Variants in RPL39L observed in about 807,000 individuals in gnomAD.
RPL39L encodes the protein ribosomal protein L39 like.
For missense variants in RPL39L, 48 were observed against 58.9 expected (o/e 0.81, Z 0.61); for synonymous variants, 16 against 20.1 (o/e 0.80, Z 0.55).
Position 187,127,356 on chromosome 3 carries a change from C to G in RPL39L, c.-29+643G>C, listed in dbSNP as rs554241135. Among the ~76,000 whole-genome samples the G allele has an allele frequency of 7.2e-5, 11 of 152,154 alleles. No individual in the cohort carries two copies. In the East Asian group the frequency reaches 1.4e-3, roughly 19 times the overall value. ...AAGAATTTGCATTTCTAACAAATTC[C>G]CAGATGATACTGATGCCACACCACA... is the stretch of plus-strand genomic sequence containing the variant. On this transcript the variant is annotated intron_variant, in intron 2 of 2. Coordinates refer to ENST00000296277, the MANE Select transcript of RPL39L (RefSeq NM_052969.3).
At chr3:187,135,269 C>T (rs1019734017) in intron 1 of RPL39L, among the ~76,000 whole-genome samples, 9 of 152,096 alleles carry the variant, frequency 5.9e-5, no homozygotes, top group South Asian at 2.1e-4. Context: ...CATGATGGGA[C>T]GGTAATATCG....
chr3:187,128,764 A>T (rs996600020), intron 1 of RPL39L, among the ~76,000 whole-genome samples: 2 of 152,200 alleles, frequency 1.3e-5, no homozygotes, highest in Non-Finnish European at 2.9e-5. Flanking sequence ...TGAACAACCA[A>T]ATAGTCCCCA....
At chr3:187,127,036 C>A (rs6444200) in intron 2 of RPL39L, among the ~76,000 whole-genome samples, 53,541 of 152,022 alleles carry the variant, frequency 0.35, 12,407 homozygotes, top group African/African-American at 0.66. Context: ...TCTTTGGGAC[C>A]AAGTATCTTA....
At chr3:187,138,203 G>A (rs1720618234) in intron 1 of RPL39L, among the ~76,000 whole-genome samples, 1 of 152,148 alleles carries the variant, frequency 6.6e-6, no homozygotes, top group African/African-American at 2.4e-5. Context: ...TTAAGGCCAG[G>A]CCCAGTGCAA....
At chr3:187,127,738 T>C (rs1720422901) in intron 2 of RPL39L, among the ~76,000 whole-genome samples, 1 of 152,248 alleles carries the variant, frequency 6.6e-6, no homozygotes, top group Non-Finnish European at 1.5e-5. Flanking sequence ...ACATAACTCC[T>C]TTCACTTTAG....
chr3:187,131,696 T>C (rs1275813624), intron 1 of RPL39L, among the ~76,000 whole-genome samples: 1 of 152,216 alleles, frequency 6.6e-6, no homozygotes, highest in Non-Finnish European at 1.5e-5. Flanking sequence ...GATAATAATA[T>C]CTAACATCAT....
In RPL39L at chr3:187,128,509, ATTTC is replaced by A. The variant is rs533225331; in HGVS notation, c.-92-451_-92-448del. ...CCATTATAACAGTTTTTTAATATAC[ATTTC>A]TTTCTCTCTTTTTTGAGACAGGGTC... On this transcript the variant is annotated intron_variant, in intron 1 of 2. Coordinates refer to ENST00000296277, the MANE Select transcript of RPL39L (RefSeq NM_052969.3). Among the ~76,000 whole-genome samples the A allele has an allele frequency of 7.7e-3, 1,164 of 152,148 alleles. 17 individuals carry two copies. The highest frequency in any genetic ancestry group is 0.026 in the African/African-American group (1,075 of 41,508).
chr3:187,137,198 CAAAAAAAA>C (rs33967617), intron 1 of RPL39L, among the ~76,000 whole-genome samples: 14 of 37,638 alleles, frequency 3.7e-4, no homozygotes, highest in African/African-American at 8.0e-4. Context: ...CACTCTTCCT[CAAAAAAAA>C]AAAAAAAAAA....
chr3:187,128,130 TG>T (rs1271553586), intron 1 of RPL39L, 68 bp from the exon 2 acceptor site: 1 of 152,206 alleles, frequency 6.6e-6, no homozygotes, highest in Non-Finnish European at 1.5e-5. Context: ...AAACCTTACC[TG>T]TGGGTGAAAA....
chr3:187,138,942 C>T (rs938469225), intron 1 of RPL39L, among the ~76,000 whole-genome samples: 2 of 152,168 alleles, frequency 1.3e-5, no homozygotes, highest in Non-Finnish European at 2.9e-5. Context: ...GCCTGTAACC[C>T]CAGCTACTCA....
chr3:187,134,279 T>G (rs995254067), intron 1 of RPL39L, among the ~76,000 whole-genome samples: 1 of 152,010 alleles, frequency 6.6e-6, no homozygotes, highest in Non-Finnish European at 1.5e-5. Context: ...GGTATACAAC[T>G]AGGGGCAATT....
chr3:187,127,857 T>C (rs1720424229), intron 2 of RPL39L, 142 bp downstream of exon 2: 1 of 152,242 alleles, frequency 6.6e-6, no homozygotes, highest in Non-Finnish European at 1.5e-5. Context: ...AAAATTCAGA[T>C]ATACTATCTA....
intron 2 of RPL39L, among the ~76,000 whole-genome samples, chr3:187,122,435 AG>A (rs1388368792): frequency 3.3e-5 from 5 of 152,196 alleles, no homozygotes; most frequent in Non-Finnish European, 7.3e-5. Context: ...GTGTGCAAAA[AG>A]TATGACTGTT....
intron 2 of RPL39L, among the ~76,000 whole-genome samples, chr3:187,127,385 T>C (rs71322439): frequency 0.19 from 28,883 of 152,202 alleles, 3,208 homozygotes; most frequent in Non-Finnish European, 0.21. Context: ...CACCACACTT[T>C]GAGAACCACT....
At chr3:187,128,485 C>T (rs989785641) in intron 1 of RPL39L, among the ~76,000 whole-genome samples, 2 of 152,028 alleles carry the variant, frequency 1.3e-5, no homozygotes, top group African/African-American at 4.8e-5. Flanking sequence ...GTGAGGAAAC[C>T]ATTATAACAG....
rs149473749 is a variant in RPL39L at position 187,121,291 on chromosome 3, G to A, written c.10C>T (p.His4Tyr). The A allele has an allele frequency of 6.2e-4, 1,003 of 1,614,028 alleles. No homozygotes were observed. Among genetic ancestry groups the A allele is most frequent in the Non-Finnish European group, 8.1e-4 (959 of 1,179,910 alleles). Residue 4 changes from histidine to tyrosine, a missense_variant, in exon 3 of 3, where the codon CAC becomes TAC. Transcript: ENST00000296277. ...AATCGCTTAATGGTGAAAGTCTTGT[G>A]AGAAGACATGGCGAGAAACAGAGTC... Reference protein sequence around the residue: MSSHKTFTIKRFLA... With the variant: MSSYKTFTIKRFLA...
intron 1 of RPL39L, among the ~76,000 whole-genome samples, chr3:187,129,037 C>A (rs1307786639): frequency 6.6e-6 from 1 of 152,106 alleles, no homozygotes; most frequent in Admixed American, 6.5e-5. Context: ...TGTTATGATG[C>A]CTAATCATTA....
In RPL39L at chr3:187,121,153, C is replaced by T. The variant is rs2108466193; in HGVS notation, c.148G>A (p.Gly50Ser). 6.2e-7 allele frequency: 1 copy of T among 1,613,514 alleles called. No homozygotes were observed. The change falls in exon 3 of 3, where the codon GGT becomes AGT. Residue 50 changes from glycine (G) to serine (S), a missense_variant. Coordinates refer to ENST00000296277, the MANE Select transcript of RPL39L (RefSeq NM_052969.3). Reference protein sequence around the residue: ...KRRHWRRTKLGL With the variant: ...KRRHWRRTKLSL ...ATCTCATGTGCAATTCCTTATAGAC[C>T]CAGCTTGGTTCTTCTCCAATGCCTC...
At chr3:187,130,384 G>A (rs1720466078) in intron 1 of RPL39L, among the ~76,000 whole-genome samples, 1 of 152,212 alleles carries the variant, frequency 6.6e-6, no homozygotes, top group African/African-American at 2.4e-5. Context: ...CCCAATGCTG[G>A]AGGTGGGGCC....
Sources: gnomAD v4.1 joint callset for allele counts (sites outside exome capture counted in the v4.1 genomes callset) on GRCh38, gnomAD v4.1.1 for gene constraint, MANE v1.5 for transcripts, NCBI Gene and HGNC (gene_info 2026-07-23, HGNC 2026-07-21) for gene names.